Variants in RSPH14 observed in about 807,000 individuals in gnomAD.
RSPH14 encodes the protein rhabdoid tumor deletion region gene 1.
Under a neutral mutation model 26.7 loss-of-function variants are expected in RSPH14, and 20 were observed. The ratio of observed to expected loss-of-function variants is 0.75; its 90% confidence interval spans 0.53 to 1.09. RSPH14 has a LOEUF of 1.09. Ranked by LOEUF, RSPH14 falls within the 50% of genes least tolerant of loss-of-function variation. The pLI, the probability that RSPH14 is intolerant of heterozygous loss-of-function variation, is 0.00. For missense variants in RSPH14, 449 were observed against 457.2 expected (o/e 0.98, Z 0.16); for synonymous variants, 177 against 189.3 (o/e 0.93, Z 0.53).
chr22:23,112,529 G>A (rs1403011652), intron 4 of RSPH14, among the ~76,000 whole-genome samples: 2 of 152,208 alleles, frequency 1.3e-5, no homozygotes, highest in Non-Finnish European at 2.9e-5. Context: ...GGCCACGGCA[G>A]GAGGGCGAGA....
At chr22:23,168,510 A>C in the RSPH14 span, among the ~76,000 whole-genome samples, 1 of 152,080 alleles carries the variant, frequency 6.6e-6, no homozygotes, top group Non-Finnish European at 1.5e-5. Context: ...ACACACACAC[A>C]GACACCTGCC....
the RSPH14 span, among the ~76,000 whole-genome samples, chr22:23,167,580 A>G: frequency 1.3e-5 from 2 of 152,342 alleles, no homozygotes. Flanking sequence ...CACTCTCTGG[A>G]GGGATGCAGG....
chr22:23,113,827 T>G (rs1026620949), intron 4 of RSPH14, among the ~76,000 whole-genome samples: 1 of 152,218 alleles, frequency 6.6e-6, no homozygotes, highest in African/African-American at 2.4e-5. Flanking sequence ...CCACCAGGCC[T>G]GTCACACAGA....
intron 4 of RSPH14, among the ~76,000 whole-genome samples, chr22:23,103,289 A>G (rs917005643): frequency 2.6e-5 from 4 of 152,282 alleles, no homozygotes; most frequent in Admixed American, 6.5e-5. Flanking sequence ...ACTCCTCCCC[A>G]GCCCCCGCCT....
At chr22:23,152,005 C>G in the RSPH14 span, among the ~76,000 whole-genome samples, 582 of 152,316 alleles carry the variant, frequency 3.8e-3, 5 homozygotes, top group African/African-American at 0.013. Flanking sequence ...GGCGCACAGC[C>G]CCGGGGGTGC....
At chr22:23,124,098 C>T (rs1360807215) in intron 4 of RSPH14, 3 of 211,028 alleles carry the variant, frequency 1.4e-5, no homozygotes, top group South Asian at 5.5e-5. Flanking sequence ...ACGAGTGGCA[C>T]GATTTATTTC....
intron 4 of RSPH14, among the ~76,000 whole-genome samples, chr22:23,092,900 T>G (rs2069024320): frequency 6.6e-6 from 1 of 152,216 alleles, no homozygotes; most frequent in African/African-American, 2.4e-5. Flanking sequence ...CACCTCCCAC[T>G]GGGTTGGACA....
At chr22:23,092,266 C>T (rs1490844412) in intron 4 of RSPH14, among the ~76,000 whole-genome samples, 1 of 152,192 alleles carries the variant, frequency 6.6e-6, no homozygotes, top group East Asian at 1.9e-4. Context: ...AGAAGTCAAG[C>T]CTCAGAATAG....
intron 6 of RSPH14, among the ~76,000 whole-genome samples, chr22:23,060,836 C>T (rs1223794271): frequency 6.6e-6 from 1 of 152,192 alleles, no homozygotes; most frequent in African/African-American, 2.4e-5. Flanking sequence ...GCTGGAGTGC[C>T]AGCTTGGGAA....
At chr22:23,098,751 G>A (rs1055782016) in intron 4 of RSPH14, among the ~76,000 whole-genome samples, 3 of 152,282 alleles carry the variant, frequency 2.0e-5, no homozygotes, top group Non-Finnish European at 4.4e-5. Flanking sequence ...CAAACAGGCT[G>A]CAGAGGAAAG....
At chr22:23,145,637 A>G (rs114791894), upstream of RSPH14, 1,163 of 1,403,308 alleles carry the variant, frequency 8.3e-4, 9 homozygotes, top group African/African-American at 0.015. Flanking sequence ...GCGAGGGCAC[A>G]GCGTCCGCGC....
At chr22:23,163,633 C>G in the RSPH14 span, 1 of 150,134 alleles carries the variant, frequency 6.7e-6, no homozygotes, top group East Asian at 1.9e-4. Context: ...TTAGCTGCGC[C>G]CCTGAAGTGT....
At chr22:23,096,377 C>T in intron 4 of RSPH14, 1 of 1,612,650 alleles carries the variant, frequency 6.2e-7, no homozygotes, top group South Asian at 1.1e-5. Context: ...CTGTGTGGAG[C>T]TCAGCGGCTA....
At position 23,134,135 on chromosome 22, in the gene RSPH14, A is replaced by G; in HGVS notation, c.312T>C (p.Phe104=). Residue 104 remains phenylalanine (F), a synonymous_variant, in exon 4 of 7, where the codon TTT becomes TTC. Coordinates refer to ENST00000216036, the MANE Select transcript of RSPH14 (RefSeq NM_014433.3). The part of the protein sequence containing the change: ...TASHSVGRYA[F]LEHDIVLALS... ...GGGCAAGGACGATGTCGTGCTCTAG[A>G]AAGGCGTATCTAGGGAAGGGAGGGT... The G allele has an allele frequency of 6.2e-7, 1 of 1,608,630 alleles. No individual in the cohort carries two copies.
the RSPH14 span, among the ~76,000 whole-genome samples, chr22:23,157,626 G>A: frequency 6.6e-5 from 10 of 152,310 alleles, no homozygotes; most frequent in East Asian, 1.9e-4. Context: ...TACAGGTCTC[G>A]TCCTCGCCAT....
chr22:23,087,870 G>A (rs1055464649), intron 4 of RSPH14, among the ~76,000 whole-genome samples: 6 of 152,232 alleles, frequency 3.9e-5, no homozygotes, highest in African/African-American at 1.4e-4. Context: ...CTCAAGAGCA[G>A]TTTAGGGAGG....
At chr22:23,111,154 C>T (rs537383299) in intron 4 of RSPH14, among the ~76,000 whole-genome samples, 5 of 152,298 alleles carry the variant, frequency 3.3e-5, no homozygotes, top group East Asian at 1.9e-4. Flanking sequence ...GAGCCTCTGC[C>T]GGGGAGTGGC....
chr22:23,072,875 T>C (rs2068414342), intron 4 of RSPH14, among the ~76,000 whole-genome samples: 1 of 152,132 alleles, frequency 6.6e-6, no homozygotes, highest in Non-Finnish European at 1.5e-5. Context: ...TGCAGGAGTA[T>C]GGGTGGGGTC....
upstream of RSPH14, chr22:23,146,552 C>G: frequency 6.3e-7 from 1 of 1,592,716 alleles, no homozygotes; most frequent in South Asian, 1.1e-5. Context: ...ATGGGTGAAT[C>G]CCCAGGTATT....
Sources: gnomAD v4.1 joint callset for allele counts (sites outside exome capture counted in the v4.1 genomes callset) on GRCh38, gnomAD v4.1.1 for gene constraint, MANE v1.5 for transcripts, NCBI Gene and HGNC (gene_info 2026-07-23, HGNC 2026-07-21) for gene names.